Variants in INPP4B observed in about 807,000 individuals in gnomAD.
The protein encoded by INPP4B is inositol polyphosphate 4-phosphatase type II.
INPP4B carries 55 observed loss-of-function variants against 122.5 expected under a neutral mutation model. That is an observed-to-expected ratio of 0.45 (90% CI 0.36 to 0.56). The LOEUF is 0.56. INPP4B is among the 20% of genes least tolerant of loss of function. The probability of loss-of-function intolerance (pLI) is 0.00; values close to 1 mark genes in which losing one functional copy is unlikely to be tolerated. For synonymous variants in INPP4B, 403 were observed against 388.7 expected, an observed-to-expected ratio of 1.04 and a Z score of -0.43; for missense variants, 1,000 against 1,097.7, an observed-to-expected ratio of 0.91 and a Z score of 1.26.
At chr4:142,362,186 GCTCAGCTGGAGAAA>G in intron 7 of INPP4B, among the ~76,000 whole-genome samples, 1 of 152,170 alleles carries the variant, frequency 6.6e-6, no homozygotes, top group South Asian at 2.1e-4. Flanking sequence ...AGCCAACTCA[GCTCAGCTGGAGAAA>G]CTCAGAAGGC....
intron 25 of INPP4B, among the ~76,000 whole-genome samples, chr4:142,042,713 C>A (rs1748852525): frequency 1.3e-5 from 2 of 152,110 alleles, no homozygotes; most frequent in Non-Finnish European, 2.9e-5. Context: ...CAGGCACGCG[C>A]CCTCATGACT....
intron 12 of INPP4B, among the ~76,000 whole-genome samples, chr4:142,233,180 G>A (rs750393828): frequency 6.6e-6 from 1 of 151,232 alleles, no homozygotes; most frequent in Non-Finnish European, 1.5e-5. Flanking sequence ...TCTCAGGTAT[G>A]CATGTGTGTG....
chr4:142,599,725 A>G (rs1022888964), intron 2 of INPP4B, among the ~76,000 whole-genome samples: 1 of 152,124 alleles, frequency 6.6e-6, no homozygotes, highest in Non-Finnish European at 1.5e-5. Flanking sequence ...ATTCAAACTT[A>G]TCATACAAAA....
chr4:142,179,196 G>A (rs139064572), intron 15 of INPP4B, among the ~76,000 whole-genome samples: 247 of 152,086 alleles, frequency 1.6e-3, no homozygotes, highest in African/African-American at 5.7e-3. Flanking sequence ...TTTTGGGCTG[G>A]GCGCAGTGGC....
At chr4:142,446,871 C>G (rs895530400) in intron 3 of INPP4B, among the ~76,000 whole-genome samples, 3 of 152,072 alleles carry the variant, frequency 2.0e-5, no homozygotes, top group Non-Finnish European at 2.9e-5. Flanking sequence ...TAAAAATAAC[C>G]TAATATATTG....
At chr4:142,557,185 A>G (rs1729388443) in intron 2 of INPP4B, among the ~76,000 whole-genome samples, 1 of 152,196 alleles carries the variant, frequency 6.6e-6, no homozygotes, top group Non-Finnish European at 1.5e-5. Context: ...GCAGTTCTCC[A>G]GGGTAGGGCA....
At chr4:142,392,168 C>A (rs902426643) in intron 7 of INPP4B, among the ~76,000 whole-genome samples, 3 of 152,150 alleles carry the variant, frequency 2.0e-5, no homozygotes, top group African/African-American at 7.2e-5. Flanking sequence ...GGTCCCTGCA[C>A]ACTGTTGGAA....
intron 1 of INPP4B, among the ~76,000 whole-genome samples, chr4:142,805,970 C>T (rs1418960795): frequency 6.6e-6 from 1 of 152,042 alleles, no homozygotes; most frequent in African/African-American, 2.4e-5. Flanking sequence ...GTATGTCATT[C>T]TCTTTGCTTA....
chr4:142,467,576 A>C (rs1435109876), intron 2 of INPP4B, among the ~76,000 whole-genome samples: 1 of 151,754 alleles, frequency 6.6e-6, no homozygotes, highest in Non-Finnish European at 1.5e-5. Context: ...TCACAGGTTC[A>C]TAGATGGAAG....
intron 17 of INPP4B, among the ~76,000 whole-genome samples, chr4:142,155,120 G>A (rs1816493986): frequency 6.6e-6 from 1 of 151,722 alleles, no homozygotes; most frequent in South Asian, 2.1e-4. Flanking sequence ...TACTCATTTA[G>A]GTAACCAAGC....
chr4:142,710,436 G>T (rs1762969288), intron 2 of INPP4B, among the ~76,000 whole-genome samples: 1 of 152,128 alleles, frequency 6.6e-6, no homozygotes, highest in Non-Finnish European at 1.5e-5. Flanking sequence ...ATCCCTGATT[G>T]CTACATATGA....
At chr4:142,806,435 A>G (rs1319611426) in intron 1 of INPP4B, among the ~76,000 whole-genome samples, 1 of 151,864 alleles carries the variant, frequency 6.6e-6, no homozygotes, top group Non-Finnish European at 1.5e-5. Context: ...AACACTGCAG[A>G]ATAACGTCTT....
intron 9 of INPP4B, among the ~76,000 whole-genome samples, chr4:142,273,226 C>T (rs151333531): frequency 1.3e-5 from 2 of 152,078 alleles, no homozygotes; most frequent in East Asian, 3.9e-4. Context: ...ATAATTACCA[C>T]TTCTGCCCCA....
chr4:142,140,557 T>C (rs1462868433), intron 18 of INPP4B, among the ~76,000 whole-genome samples: 4 of 152,222 alleles, frequency 2.6e-5, no homozygotes, highest in Admixed American at 6.5e-5. Context: ...AGAAAATGCA[T>C]ATAAAATGTG....
chr4:142,471,357 C>A (rs1226924920), intron 2 of INPP4B, among the ~76,000 whole-genome samples: 1 of 152,088 alleles, frequency 6.6e-6, no homozygotes, highest in African/African-American at 2.4e-5. Flanking sequence ...GCAAATACGT[C>A]AATGTGTTGG....
intron 2 of INPP4B, among the ~76,000 whole-genome samples, chr4:142,662,391 G>A (rs1372232086): frequency 6.6e-6 from 1 of 152,132 alleles, no homozygotes; most frequent in Non-Finnish European, 1.5e-5. Context: ...CTTTGAGGTA[G>A]GTACTCACAT....
intron 2 of INPP4B, among the ~76,000 whole-genome samples, chr4:142,652,947 G>A (rs1474605791): frequency 6.6e-6 from 1 of 152,170 alleles, no homozygotes; most frequent in Non-Finnish European, 1.5e-5. Flanking sequence ...CAAAGCTGGA[G>A]GCATCATGCT....
intron 15 of INPP4B, among the ~76,000 whole-genome samples, chr4:142,187,497 T>C (rs1833665840): frequency 6.6e-6 from 1 of 152,038 alleles, no homozygotes; most frequent in Non-Finnish European, 1.5e-5. Flanking sequence ...TCATATTATG[T>C]GTATGTGTGT....
intron 25 of INPP4B, chr4:142,029,817 G>A: frequency 9.8e-7 from 1 of 1,019,448 alleles, no homozygotes; most frequent in Non-Finnish European, 1.2e-6. Context: ...AATTTAGTGG[G>A]ATGAGGACAG....
Sources: gnomAD v4.1 joint callset for allele counts (sites outside exome capture counted in the v4.1 genomes callset) on GRCh38, gnomAD v4.1.1 for gene constraint, MANE v1.5 for transcripts, NCBI Gene and HGNC (gene_info 2026-07-23, HGNC 2026-07-21) for gene names.